The following MROH2B variants were observed in gnomAD, a reference collection of about 807,000 sequenced individuals.
MROH2B encodes maestro heat like repeat family member 2B.
A neutral mutation model predicts 208.6 loss-of-function variants in MROH2B; 177 were observed. The ratio of observed to expected loss-of-function variants is 0.85; its 90% CI spans 0.75 to 0.96. MROH2B has a LOEUF of 0.96. Among genes scored for constraint, MROH2B ranks in the 40% least tolerant of loss-of-function variants. MROH2B has a pLI of 0.00. For synonymous variants in MROH2B, 728 were observed against 659.0 expected (o/e 1.10, Z -1.60); for missense variants, 2,002 against 1,878.7 (o/e 1.07, Z -1.21).
intron 34 of MROH2B, among the ~76,000 whole-genome samples, chr5:41,006,290 A>C (rs1741590536): frequency 6.6e-6 from 1 of 152,162 alleles, no homozygotes; most frequent in Non-Finnish European, 1.5e-5. Context: ...GTGCGATACC[A>C]CCTCACTCCT....
At chr5:41,019,062 T>A (rs1423936840) in intron 24 of MROH2B, 44 bp from the exon 25 acceptor site, 1 of 1,611,266 alleles carries the variant, frequency 6.2e-7, no homozygotes, top group Admixed American at 1.7e-5. Context: ...ACAGTGACCA[T>A]CAGAACATAC....
intron 8 of MROH2B, 44 bp downstream of exon 8, chr5:41,057,224 C>T (rs1196224921): frequency 3.0e-5 from 48 of 1,611,492 alleles, no homozygotes; most frequent in Non-Finnish European, 4.1e-5. Flanking sequence ...ACACAGAAAA[C>T]CGGTTGAAAT....
rs149868836 is a variant in MROH2B, at chr5:41,054,561, T to G, written c.1107+206A>C. On this transcript the variant is annotated intron_variant, in intron 11 of 41. Transcript: ENST00000399564. ...TAAATAAGCAAAAATCTTCTTCTTTTCACTGAGACGTCCTTTAGCTGTGTG... is the reference window on the plus strand; with the variant it reads ...TAAATAAGCAAAAATCTTCTTCTTTGCACTGAGACGTCCTTTAGCTGTGTG... Among the ~76,000 whole-genome samples, 604 of 152,350 alleles carry G rather than the reference T, an allele frequency of 4.0e-3. 7 individuals are homozygous for G. The highest frequency in any genetic ancestry group is 0.013 in the African/African-American group (555 of 41,580).
Position 41,017,988 on chromosome 5 carries a change from C to T in MROH2B, c.2764-18G>A. ...TCTGGTGCCTGCAGGATAAAGGAGG[C>T]ATCCTATTGTGATGGGGTAGCTTGG... On this transcript the variant is annotated intron_variant, in intron 27 of 41. Transcript: ENST00000399564. The T allele has an allele frequency of 1.9e-6, 3 of 1,566,758 alleles. No individual in the cohort carries two copies. Among genetic ancestry groups the T allele is most frequent in the Non-Finnish European group, 2.6e-6 (3 of 1,154,594 alleles).
At chr5:41,061,157 G>C (rs1743625345) in intron 6 of MROH2B, among the ~76,000 whole-genome samples, 1 of 152,088 alleles carries the variant, frequency 6.6e-6, no homozygotes, top group Non-Finnish European at 1.5e-5. Flanking sequence ...AAGCACCTGT[G>C]GACTGCTATT....
At chr5:41,019,041 G>C in intron 24 of MROH2B, 23 bp from the exon 25 acceptor site, 1 of 1,613,514 alleles carries the variant, frequency 6.2e-7, no homozygotes, top group South Asian at 1.1e-5. Flanking sequence ...CCAGGTGGAG[G>C]AATGGATATT....
chr5:41,039,598 T>A (rs370743260), intron 19 of MROH2B, 43 bp from the exon 20 acceptor site: 816 of 1,345,612 alleles, frequency 6.1e-4, no homozygotes, highest in Non-Finnish European at 7.8e-4. Context: ...TAACCATTTA[T>A]TTATTCAACA....
chr5:41,049,172 T>G, intron 14 of MROH2B, 31 bp from the exon 15 acceptor site: 1 of 1,603,686 alleles, frequency 6.2e-7, no homozygotes, highest in South Asian at 1.1e-5. Flanking sequence ...TCATCATCAC[T>G]GCAGGGGTTA....
At position 41,007,317 on chromosome 5, in the gene MROH2B, G is replaced by T. The variant is rs867764713; in HGVS notation, c.3746C>A (p.Ala1249Asp). 1 of 1,412,052 alleles carries T rather than the reference G, an allele frequency of 7.1e-7. No individual in the cohort carries two copies. The highest frequency in any genetic ancestry group is 9.3e-7 in the Non-Finnish European group (1 of 1,074,616). The allele number at this position is 1,412,052 out of a possible 1,614,324, so 87.5% of individuals were successfully genotyped here. The change falls in exon 34 of 42, where the codon GCC becomes GAC. Residue 1249 changes from alanine to aspartate, a missense_variant. Ala to Asp is a moderately radical substitution (Grantham distance 126). Coordinates refer to ENST00000399564, the MANE Select transcript of MROH2B (RefSeq NM_173489.5). ...TTCTAGAAAAAGTGCACATTACCTG[G>T]CCAGTGAACATACGCCTATGTGGTG... ...STHHIGVCSL[A>D]RSMAVWQHGV...
intron 37 of MROH2B, among the ~76,000 whole-genome samples, chr5:41,001,716 C>CA (rs1385905211): frequency 4.6e-4 from 64 of 139,228 alleles, no homozygotes; most frequent in African/African-American, 1.6e-3. Flanking sequence ...GACTCTGTCT[C>CA]AAAAAAAGAA....
At position 41,009,303 on chromosome 5, in the gene MROH2B, T is replaced by C. The variant is rs993115240; in HGVS notation, c.3397A>G (p.Ile1133Val). The C allele has an allele frequency of 1.9e-6, 3 of 1,613,906 alleles. No homozygotes were observed. Among genetic ancestry groups the C allele is most frequent in the Admixed American group, 1.7e-5 (1 of 60,016 alleles). ...ACTGAAATTGCCTCAACCCTGGCGA[T>C]GTCATCTTCTAACTCAGTCTCCAGT... ...DKLETELEDDIARVEAISVAC... is the reference protein window; with the variant it reads ...DKLETELEDDVARVEAISVAC... The change falls in exon 32 of 42, where the codon ATC (isoleucine) becomes GTC (valine). Residue 1133 changes from isoleucine (I) to valine (V), a missense_variant. Physicochemically the swap from Ile to Val is conservative, Grantham distance 29. Transcript: ENST00000399564.
At chr5:41,059,880 C>T (rs1449187792) in intron 6 of MROH2B, among the ~76,000 whole-genome samples, 5 of 152,214 alleles carry the variant, frequency 3.3e-5, no homozygotes, top group Non-Finnish European at 7.3e-5. Context: ...TTGGTTGTCA[C>T]TTATGCAATG....
In MROH2B at chr5:41,030,369, T is replaced by C. The variant is rs148995919; in HGVS notation, c.2441+2373A>G. ...GCTATATACCAACAATAATCCCTTT[T>C]ACAACAGCTGAAAAAAAATTAAATA... On this transcript the variant is annotated intron_variant, in intron 24 of 41. Coordinates refer to ENST00000399564, the MANE Select transcript of MROH2B (RefSeq NM_173489.5). Among the ~76,000 whole-genome samples, 222 of 152,038 alleles carry C rather than the reference T, an allele frequency of 1.5e-3. 6 individuals are homozygous for C. In the East Asian group the frequency reaches 0.038, roughly 26 times the overall value.
At chr5:41,052,335 AATTT>A (rs1743310471) in intron 12 of MROH2B, 126 bp downstream of exon 12, 4 of 861,026 alleles carry the variant, frequency 4.6e-6, no homozygotes, top group Non-Finnish European at 6.1e-6. Context: ...ATTTTTTTAA[AATTT>A]ATTTATTTAT....
intron 5 of MROH2B, 126 bp downstream of exon 5, chr5:41,064,346 A>G: frequency 1.4e-6 from 1 of 707,926 alleles, no homozygotes; most frequent in South Asian, 1.9e-5. Context: ...GGCACTCAAT[A>G]AGTGGCAGCT....
chr5:41,016,732 C>T (rs866517286), intron 28 of MROH2B, among the ~76,000 whole-genome samples: 19 of 151,890 alleles, frequency 1.3e-4, no homozygotes, highest in East Asian at 1.9e-4. Flanking sequence ...CCATATGCTT[C>T]GGGCTCCCAA....
Position 41,033,785 on chromosome 5 carries a change from C to CTATA in MROH2B, c.2241+52_2241+53insTATA. On this transcript the variant is annotated intron_variant, in intron 22 of 41. Coordinates refer to ENST00000399564, the MANE Select transcript of MROH2B (RefSeq NM_173489.5). The stretch of plus-strand genomic sequence containing the variant: ...TTGGCACACTTCAGGGGGGCATTAT[C>CTATA]TATCTATCTATCTATCTATCTATCT... 4.8e-6 allele frequency: 4 copies of CTATA among 833,286 alleles called. 1 individual carries two copies. The South Asian group carries it at 5.0e-5, about 10-fold the overall frequency. The allele number at this position is 833,286 out of a possible 1,614,324, so 51.6% of individuals were successfully genotyped here.
chr5:41,018,177 G>A (rs191919440), intron 27 of MROH2B, among the ~76,000 whole-genome samples, 164 bp downstream of exon 27: 3 of 152,326 alleles, frequency 2.0e-5, no homozygotes, highest in East Asian at 3.9e-4. Flanking sequence ...AGCTCAATTC[G>A]TGTGAGCTGC....
chr5:41,069,191 T>C (rs568932768), intron 2 of MROH2B, among the ~76,000 whole-genome samples: 1 of 152,328 alleles, frequency 6.6e-6, no homozygotes, highest in South Asian at 2.1e-4. Flanking sequence ...TACAATACAC[T>C]GTTGTTTGGA....
Sources: allele counts gnomAD v4.1 joint callset (sites outside exome capture counted in the v4.1 genomes callset), GRCh38; gene constraint gnomAD v4.1.1; transcripts MANE v1.5; gene names NCBI Gene and HGNC (gene_info 2026-07-23, HGNC 2026-07-21).